AGBL3: variants seen among roughly 807,000 people sequenced by gnomAD.
AGBL3 encodes the protein cytosolic carboxypeptidase 3.
AGBL3 carries 68 observed loss-of-function variants against 94.5 expected under a neutral mutation model. That is an observed-to-expected ratio of 0.72 (90% CI 0.59 to 0.88). AGBL3 has a LOEUF of 0.88. AGBL3 is among the 40% of genes least tolerant of loss of function. The probability of loss-of-function intolerance (pLI) is 0.00; values close to 1 mark genes in which losing one functional copy is unlikely to be tolerated. For missense variants in AGBL3, 934 were observed against 1,103.8 expected, an observed-to-expected ratio of 0.85 and a Z score of 2.18; for synonymous variants, 354 against 370.7, an observed-to-expected ratio of 0.95 and a Z score of 0.52.
chr7:135,088,653 T>C (rs1821526949), intron 15 of AGBL3, among the ~76,000 whole-genome samples: 1 of 152,174 alleles, frequency 6.6e-6, no homozygotes. Flanking sequence ...TCTCATATTC[T>C]TGACTGGCAA....
chr7:135,115,550 A>T lies in AGBL3; in HGVS notation c.2281A>T (p.Met761Leu). ...LLPIVHSTKN[M>L]QTTQIKQLFN... Reference sequence around the variant, plus strand: ...CCCCATCGTGCATAGCACTAAAAACATGCAAACCACTCAGATAAAACAGCT... The same window carrying T: ...CCCCATCGTGCATAGCACTAAAAACTTGCAAACCACTCAGATAAAACAGCT... Residue 761 changes from methionine (M) to leucine (L), a missense_variant, in exon 16 of 17, where the codon ATG (methionine) becomes TTG (leucine). Physicochemically the swap from Met to Leu is conservative, Grantham distance 15. This residue lies in a region of AGBL3 where 441 missense variants were observed against 518.2 expected (regional missense o/e 0.85). Coordinates refer to ENST00000436302, the MANE Select transcript of AGBL3 (RefSeq NM_178563.4). 2 of 1,551,524 alleles carry T rather than the reference A, an allele frequency of 1.3e-6. No homozygotes were observed. Among genetic ancestry groups the T allele is most frequent in the South Asian group, 1.2e-5 (1 of 84,050 alleles).
At chr7:135,081,538 A>G (rs1325908192) in intron 14 of AGBL3, among the ~76,000 whole-genome samples, 181 bp from the exon 15 acceptor site, 1 of 152,210 alleles carries the variant, frequency 6.6e-6, no homozygotes, top group African/African-American at 2.4e-5. Flanking sequence ...AAAGGTATGA[A>G]CATTTTTAAA....
chr7:135,015,340 G>A (rs1813643712), intron 4 of AGBL3, among the ~76,000 whole-genome samples: 1 of 152,144 alleles, frequency 6.6e-6, no homozygotes, highest in Admixed American at 6.5e-5. Flanking sequence ...TAAGGAATAT[G>A]TGGATAAAAA....
At chr7:135,130,514 C>T (rs1301089042) in intron 16 of AGBL3, among the ~76,000 whole-genome samples, 1 of 151,538 alleles carries the variant, frequency 6.6e-6, no homozygotes, top group African/African-American at 2.4e-5. Flanking sequence ...TTTGCCCTAC[C>T]TTCTGTTTGT....
intron 11 of AGBL3, chr7:135,050,966 AG>A (rs1817821025): frequency 2.5e-6 from 1 of 403,478 alleles, no homozygotes; most frequent in Non-Finnish European, 4.8e-6. Flanking sequence ...TTAGTCTTAC[AG>A]TTTTTTTCTC....
intron 5 of AGBL3, among the ~76,000 whole-genome samples, chr7:135,019,691 C>T (rs894202004): frequency 2.0e-5 from 3 of 152,168 alleles, no homozygotes; most frequent in African/African-American, 7.2e-5. Context: ...GTAACCAAAA[C>T]AGCACGGTAC....
intron 8 of AGBL3, among the ~76,000 whole-genome samples, chr7:135,043,422 A>G (rs1309329413): frequency 6.7e-6 from 1 of 149,208 alleles, no homozygotes; most frequent in Non-Finnish European, 1.5e-5. Flanking sequence ...GTAGAGACAG[A>G]GAATAGAAGG....
intron 11 of AGBL3, among the ~76,000 whole-genome samples, chr7:135,051,784 C>T (rs117803231): frequency 0.026 from 3,890 of 152,098 alleles, 91 homozygotes; most frequent in Non-Finnish European, 0.035. Flanking sequence ...TAAATATTCA[C>T]CTGCTTCTTC....
At chr7:135,109,523 C>T (rs1333322764) in intron 15 of AGBL3, among the ~76,000 whole-genome samples, 1 of 152,216 alleles carries the variant, frequency 6.6e-6, no homozygotes, top group Non-Finnish European at 1.5e-5. Flanking sequence ...TGGGGGTCTG[C>T]TCCAGTCCCT....
intron 4 of AGBL3, among the ~76,000 whole-genome samples, chr7:135,013,405 T>C (rs1377377578): frequency 6.6e-6 from 1 of 152,212 alleles, no homozygotes; most frequent in Non-Finnish European, 1.5e-5. Flanking sequence ...GTTTATCTCT[T>C]AGGTAAATAA....
At chr7:135,129,802 G>A (rs1405801261) in intron 16 of AGBL3, 3 of 535,002 alleles carry the variant, frequency 5.6e-6, no homozygotes, top group Non-Finnish European at 1.1e-5. Flanking sequence ...GTCTTCCTGT[G>A]TAGAAGATAT....
intron 15 of AGBL3, among the ~76,000 whole-genome samples, chr7:135,086,689 G>T (rs1245275270): frequency 6.6e-6 from 1 of 151,948 alleles, no homozygotes; most frequent in Non-Finnish European, 1.5e-5. Flanking sequence ...AATCCCACTT[G>T]ATCATGGTGA....
In AGBL3 at chr7:134,993,593, A is replaced by T. The variant is rs2133375152; in HGVS notation, c.225A>T (p.Leu75Phe). Residue 75 changes from leucine (L) to phenylalanine (F), a missense_variant, in exon 4 of 17, where the codon TTA becomes TTT. By Grantham distance (22) the Leu-to-Phe change is conservative (BLOSUM62 0). This residue lies in a region of AGBL3 where 488 missense variants were observed against 563.6 expected (regional missense o/e 0.87). Coordinates refer to ENST00000436302, the MANE Select transcript of AGBL3 (RefSeq NM_178563.4). ...WVPRLREPRD[L>F]YGVSSSGPLS... ...CACGTCTTCGTGAACCAAGGGATTTATATGGTGTCTCTTCTTCTGGTCCAT... is the reference window on the plus strand; with the variant it reads ...CACGTCTTCGTGAACCAAGGGATTTTTATGGTGTCTCTTCTTCTGGTCCAT... The T allele has an allele frequency of 1.3e-6, 2 of 1,552,132 alleles. No homozygotes were observed. The highest frequency in any genetic ancestry group is 3.9e-5 in the Admixed American group (2 of 51,016).
chr7:135,068,933 G>T (rs1819621119), intron 12 of AGBL3, among the ~76,000 whole-genome samples: 1 of 152,090 alleles, frequency 6.6e-6, no homozygotes, highest in African/African-American at 2.4e-5. Flanking sequence ...AGACAGACTG[G>T]CAAATTGGAT....
chr7:135,004,909 A>G (rs573107682), intron 4 of AGBL3, among the ~76,000 whole-genome samples: 2 of 151,590 alleles, frequency 1.3e-5, no homozygotes, highest in Non-Finnish European at 3.0e-5. Context: ...TTTTTTATAA[A>G]TCGGATTTAT....
intron 16 of AGBL3, among the ~76,000 whole-genome samples, chr7:135,132,403 A>C (rs890873880): frequency 2.0e-5 from 3 of 152,232 alleles, no homozygotes; most frequent in Non-Finnish European, 4.4e-5. Context: ...AGCAAGCTTA[A>C]GAAGAAAAAT....
chr7:135,056,628 A>T (rs1028949409), intron 11 of AGBL3, among the ~76,000 whole-genome samples: 4 of 152,144 alleles, frequency 2.6e-5, no homozygotes, highest in Non-Finnish European at 5.9e-5. Context: ...AATTAAAAAA[A>T]AATACCATCT....
In AGBL3 at chr7:135,079,172, G is replaced by A. The variant is rs1420114461; in HGVS notation, c.1981-1031G>A. ...GTTCACAGAATCATTTCACTTAAGA[G>A]ATGGGAGCTAAAAATGACAAGAGTT... On this transcript the variant is annotated intron_variant, in intron 13 of 16. Coordinates refer to ENST00000436302, the MANE Select transcript of AGBL3 (RefSeq NM_178563.4). 5.9e-5 allele frequency among the ~76,000 whole-genome samples: 9 copies of A among 152,268 alleles called. No homozygotes were observed. In the East Asian group the frequency reaches 1.7e-3, roughly 29 times the overall value.
At chr7:135,116,186 AC>A (rs1195699026) in intron 16 of AGBL3, among the ~76,000 whole-genome samples, 1 of 152,238 alleles carries the variant, frequency 6.6e-6, no homozygotes, top group Non-Finnish European at 1.5e-5. Context: ...ATATATGTAT[AC>A]ACTTTACATT....
Sources: gnomAD v4.1 joint callset for allele counts (sites outside exome capture counted in the v4.1 genomes callset) on GRCh38, gnomAD v4.1.1 for gene constraint, gnomAD v4.1.1 regional missense constraint, MANE v1.5 for transcripts, NCBI Gene and HGNC (gene_info 2026-07-23, HGNC 2026-07-21) for gene names.